Variants in CNTNAP2 observed in about 807,000 individuals in gnomAD.
The protein encoded by CNTNAP2 is contactin-associated protein-like 2.
CNTNAP2 carries 98 observed loss-of-function variants against 155.2 expected under a neutral mutation model. That is an observed-to-expected ratio of 0.63 (90% CI 0.54 to 0.75). The LOEUF (loss-of-function observed/expected upper bound fraction) is 0.75. Ranked by LOEUF, CNTNAP2 falls within the 30% of genes least tolerant of loss-of-function variation. The pLI is 0.00. For missense variants in CNTNAP2, 1,727 were observed against 1,688.1 expected (o/e 1.02, Z -0.40); for synonymous variants, 651 against 631.2 (o/e 1.03, Z -0.47).
rs921851053 is a variant in CNTNAP2, at chr7:146,861,267, G to T, written c.402+21363G>T. 4.6e-5 allele frequency among the ~76,000 whole-genome samples: 7 copies of T among 152,020 alleles called. No individual in the cohort carries two copies. In the East Asian group the frequency reaches 7.7e-4, roughly 17 times the overall value. ...AGAGTTTCACCATGTTGTCCAGGCT[G>T]GTCTTGAATTCCTGACCTCAGGAGA... On this transcript the variant is annotated intron_variant, in intron 3 of 23. Coordinates refer to ENST00000361727, the MANE Select transcript of CNTNAP2 (RefSeq NM_014141.6).
chr7:146,668,443 T>G (rs12703830), intron 1 of CNTNAP2, among the ~76,000 whole-genome samples: 2,142 of 59,718 alleles, frequency 0.036, 19 homozygotes, highest in South Asian at 0.12. Flanking sequence ...TGTGTGTGTG[T>G]GTGTGTGTGT....
intron 13 of CNTNAP2, among the ~76,000 whole-genome samples, chr7:147,754,493 G>A (rs928234556): frequency 1.3e-5 from 2 of 152,176 alleles, no homozygotes; most frequent in African/African-American, 4.8e-5. Flanking sequence ...AGGTAAAGGT[G>A]TAGTTCTGTT....
chr7:146,930,924 A>T (rs58738162), intron 3 of CNTNAP2, among the ~76,000 whole-genome samples: 2,132 of 152,300 alleles, frequency 0.014, 47 homozygotes, highest in African/African-American at 0.049. Flanking sequence ...AGGAGCACCC[A>T]GATTCATAAA....
At chr7:146,296,217 AG>A (rs1800512650) in intron 1 of CNTNAP2, among the ~76,000 whole-genome samples, 1 of 152,156 alleles carries the variant, frequency 6.6e-6, no homozygotes, top group African/African-American at 2.4e-5. Context: ...AGACACTCAC[AG>A]AGGAACTGAG....
intron 4 of CNTNAP2, among the ~76,000 whole-genome samples, chr7:147,064,181 C>T (rs1402569984): frequency 6.6e-6 from 1 of 151,660 alleles, no homozygotes; most frequent in Non-Finnish European, 1.5e-5. Flanking sequence ...TTTAATGTGT[C>T]ATTTTAATTT....
At chr7:147,701,848 T>C (rs1033151442) in intron 13 of CNTNAP2, among the ~76,000 whole-genome samples, 1 of 152,124 alleles carries the variant, frequency 6.6e-6, no homozygotes, top group African/African-American at 2.4e-5. Context: ...CTAAAATCTT[T>C]TGAGACTACC....
chr7:147,158,315 A>T (rs1801963733), intron 8 of CNTNAP2, among the ~76,000 whole-genome samples: 1 of 152,114 alleles, frequency 6.6e-6, no homozygotes, highest in African/African-American at 2.4e-5. Flanking sequence ...CCAAGCTTAA[A>T]AAACACCTTT....
chr7:147,438,375 G>C (rs1181320600), intron 10 of CNTNAP2, among the ~76,000 whole-genome samples: 4 of 151,968 alleles, frequency 2.6e-5, no homozygotes, highest in Admixed American at 6.6e-5. Flanking sequence ...ATGATTATAC[G>C]GTTTTGGCCT....
intron 1 of CNTNAP2, among the ~76,000 whole-genome samples, chr7:146,317,533 T>C (rs574367358): frequency 1.5e-4 from 23 of 152,370 alleles, no homozygotes; most frequent in African/African-American, 5.3e-4. Context: ...TGGAAACTAC[T>C]GATTTCGTCT....
At chr7:147,168,521 G>C (rs1203660874) in intron 8 of CNTNAP2, among the ~76,000 whole-genome samples, 3 of 151,902 alleles carry the variant, frequency 2.0e-5, no homozygotes, top group Non-Finnish European at 4.4e-5. Context: ...ATAAAGGTTA[G>C]GTTTGATTTC....
chr7:148,074,461 C>A (rs1208824903), intron 15 of CNTNAP2, among the ~76,000 whole-genome samples: 2 of 152,100 alleles, frequency 1.3e-5, no homozygotes, highest in African/African-American at 2.4e-5. Context: ...GAGGCCGAGG[C>A]GGGTTGATCA....
At chr7:148,393,131 A>G (rs1296570386) in intron 22 of CNTNAP2, among the ~76,000 whole-genome samples, 2 of 151,788 alleles carry the variant, frequency 1.3e-5, no homozygotes, top group African/African-American at 2.4e-5. Context: ...TATATCATCT[A>G]TTCTGTTTTC....
intron 13 of CNTNAP2, among the ~76,000 whole-genome samples, chr7:147,798,477 G>T (rs1797937004): frequency 6.6e-6 from 1 of 152,186 alleles, no homozygotes; most frequent in Non-Finnish European, 1.5e-5. Context: ...ACAACTCAGT[G>T]ATTCTCTGGG....
chr7:146,538,830 T>G (rs1398515483), intron 1 of CNTNAP2, among the ~76,000 whole-genome samples: 1 of 151,974 alleles, frequency 6.6e-6, no homozygotes, highest in Non-Finnish European at 1.5e-5. Flanking sequence ...GATATTGGAA[T>G]TATTTTAAAC....
At chr7:148,348,086 C>CCTCTTCCCAGCTAGTAGTTCTTCCT (rs1798359399) in intron 21 of CNTNAP2, among the ~76,000 whole-genome samples, 1 of 151,976 alleles carries the variant, frequency 6.6e-6, no homozygotes, top group Non-Finnish European at 1.5e-5. Context: ...TAGTTCTTCC[C>CCTCTTCCCAGCTAGTAGTTCTTCCT]CCTCTTCCCT....
chr7:146,871,732 T>A (rs1795313014), intron 3 of CNTNAP2, among the ~76,000 whole-genome samples: 1 of 152,120 alleles, frequency 6.6e-6, no homozygotes, highest in Non-Finnish European at 1.5e-5. Context: ...CATGGATGTA[T>A]TTTTGGTTAT....
chr7:148,057,373 G>A (rs192464228), intron 15 of CNTNAP2, among the ~76,000 whole-genome samples: 5 of 152,170 alleles, frequency 3.3e-5, no homozygotes, highest in Admixed American at 6.5e-5. Context: ...TAGAGACAAC[G>A]CCTTAAAACA....
At chr7:148,158,371 C>A (rs543965177) in intron 17 of CNTNAP2, among the ~76,000 whole-genome samples, 3 of 151,966 alleles carry the variant, frequency 2.0e-5, no homozygotes, top group Non-Finnish European at 4.4e-5. Flanking sequence ...TACAGGCACA[C>A]GTCACCACAC....
intron 10 of CNTNAP2, among the ~76,000 whole-genome samples, chr7:147,421,585 C>CTGTGTGTGTG (rs55983110): frequency 0.056 from 7,984 of 143,530 alleles, 312 homozygotes; most frequent in African/African-American, 0.097. Context: ...TCTATCTAAT[C>CTGTGTGTGTG]TGTGTGTGTG....
Sources: allele counts gnomAD v4.1 joint callset (sites outside exome capture counted in the v4.1 genomes callset), GRCh38; gene constraint gnomAD v4.1.1; transcripts MANE v1.5; gene names NCBI Gene and HGNC (gene_info 2026-07-23, HGNC 2026-07-21).